Variants in TMTC2 observed in about 807,000 individuals in gnomAD.
TMTC2 encodes the protein transmembrane O-mannosyltransferase targeting cadherins 2, also known as protein O-mannosyl-transferase TMTC2.
A neutral mutation model predicts 82.4 loss-of-function variants in TMTC2; 43 were observed. The ratio of observed to expected loss-of-function variants is 0.52; its 90% confidence interval spans 0.41 to 0.67. TMTC2 has a LOEUF of 0.67. Ranked by LOEUF, TMTC2 falls within the 30% of genes least tolerant of loss-of-function variation. The pLI is 0.00. For missense variants in TMTC2, 919 were observed against 1,012.4 expected, an observed-to-expected ratio of 0.91 and a Z score of 1.25; for synonymous variants, 408 against 381.9, an observed-to-expected ratio of 1.07 and a Z score of -0.80.
chr12:82,914,123 G>A (rs1291888901), intron 3 of TMTC2, among the ~76,000 whole-genome samples: 2 of 152,158 alleles, frequency 1.3e-5, no homozygotes, highest in South Asian at 2.1e-4. Context: ...ATTCTTTTCT[G>A]TTGTTAAATC....
intron 4 of TMTC2, among the ~76,000 whole-genome samples, chr12:82,943,256 G>A (rs550937791): frequency 6.6e-5 from 10 of 152,146 alleles, no homozygotes; most frequent in Admixed American, 3.9e-4. Flanking sequence ...TTGTAACAGC[G>A]TCAATCCAAG....
chr12:83,058,883 A>G (rs1882639211), intron 10 of TMTC2, among the ~76,000 whole-genome samples: 1 of 151,810 alleles, frequency 6.6e-6, no homozygotes, highest in African/African-American at 2.4e-5. Context: ...TAAAAATGAG[A>G]TATTTCAGGA....
intron 3 of TMTC2, among the ~76,000 whole-genome samples, chr12:82,913,688 G>A (rs981628324): frequency 6.6e-6 from 1 of 151,952 alleles, no homozygotes; most frequent in Non-Finnish European, 1.5e-5. Context: ...TTAATACATG[G>A]AAGTATAACT....
intron 1 of TMTC2, among the ~76,000 whole-genome samples, chr12:82,730,982 T>G (rs963422070): frequency 6.6e-6 from 1 of 152,230 alleles, no homozygotes; most frequent in South Asian, 2.1e-4. Flanking sequence ...TCTAGTAGCT[T>G]GTGGAAAAGC....
intron 5 of TMTC2, 120 bp downstream of exon 5, chr12:82,965,229 G>A: frequency 1.4e-6 from 1 of 730,634 alleles, no homozygotes; most frequent in African/African-American, 1.8e-5. Flanking sequence ...TCGCTAATCA[G>A]ATTATGAACC....
intron 1 of TMTC2, among the ~76,000 whole-genome samples, chr12:82,779,886 G>A (rs1338248357): frequency 6.6e-6 from 1 of 152,046 alleles, no homozygotes; most frequent in Admixed American, 6.6e-5. Context: ...GCAACAGAGC[G>A]AGACTCCGTC....
At chr12:82,867,807 C>G (rs925506254) in intron 2 of TMTC2, among the ~76,000 whole-genome samples, 4 of 152,172 alleles carry the variant, frequency 2.6e-5, no homozygotes, top group Non-Finnish European at 4.4e-5. Context: ...TATGTAGTCT[C>G]TTCTTAAGCT....
intron 9 of TMTC2, among the ~76,000 whole-genome samples, chr12:83,045,949 T>C (rs931836102): frequency 3.3e-5 from 5 of 152,182 alleles, no homozygotes; most frequent in African/African-American, 1.2e-4. Flanking sequence ...ACCCCAGAAG[T>C]ATGCCAGCCT....
intron 1 of TMTC2, among the ~76,000 whole-genome samples, chr12:82,780,548 T>C (rs1877848755): frequency 6.6e-6 from 1 of 152,146 alleles, no homozygotes; most frequent in African/African-American, 2.4e-5. Flanking sequence ...AGTAATATCA[T>C]ACAAGAGAAG....
chr12:82,884,468 T>C (rs73360262), intron 2 of TMTC2, among the ~76,000 whole-genome samples: 162 of 152,328 alleles, frequency 1.1e-3, no homozygotes, highest in African/African-American at 3.8e-3. Flanking sequence ...ATTTAGAAGG[T>C]AGCAAGGCAC....
At chr12:82,923,409 A>G (rs1421556635) in intron 3 of TMTC2, among the ~76,000 whole-genome samples, 2 of 151,998 alleles carry the variant, frequency 1.3e-5, no homozygotes, top group Admixed American at 1.3e-4. Flanking sequence ...CTTTGTTTAG[A>G]TGTTTGAAAT....
chr12:82,876,047 G>GATTA (rs1872494203), intron 2 of TMTC2, among the ~76,000 whole-genome samples: 1 of 123,846 alleles, frequency 8.1e-6, no homozygotes, highest in Non-Finnish European at 1.7e-5. Flanking sequence ...TGGTGGTGGT[G>GATTA]GTGGTGGTGG....
chr12:82,785,822 T>G (rs185495514), intron 1 of TMTC2, among the ~76,000 whole-genome samples: 60 of 152,268 alleles, frequency 3.9e-4, no homozygotes, highest in Admixed American at 7.8e-4. Context: ...CCTTGTCCAT[T>G]AAAAGATTTG....
chr12:83,086,959 A>G (rs1488295163), intron 11 of TMTC2, among the ~76,000 whole-genome samples: 1 of 152,204 alleles, frequency 6.6e-6, no homozygotes, highest in Non-Finnish European at 1.5e-5. Flanking sequence ...AGTTTGCTGC[A>G]TGGATTAATT....
chr12:83,057,607 T>C (rs997526774), intron 10 of TMTC2, among the ~76,000 whole-genome samples: 3 of 151,916 alleles, frequency 2.0e-5, no homozygotes, highest in African/African-American at 7.2e-5. Flanking sequence ...AATTAAAATT[T>C]AGTACTGCTT....
chr12:82,900,796 C>A (rs1283437946), intron 3 of TMTC2, among the ~76,000 whole-genome samples: 3 of 107,732 alleles, frequency 2.8e-5, no homozygotes, highest in Admixed American at 1.0e-4. Flanking sequence ...ATATATATAC[C>A]TGGAATATAT....
At chr12:83,032,259 A>T (rs1422979488) in intron 9 of TMTC2, among the ~76,000 whole-genome samples, 5 of 6,946 alleles carry the variant, frequency 7.2e-4, no homozygotes, top group Non-Finnish European at 1.4e-3. Context: ...AGAATATTTT[A>T]TATATATATA....
At chr12:82,949,766 C>T (rs980722856) in intron 4 of TMTC2, among the ~76,000 whole-genome samples, 4 of 152,084 alleles carry the variant, frequency 2.6e-5, no homozygotes, top group Non-Finnish European at 5.9e-5. Context: ...TATTCTATTT[C>T]TTAGTGTTCC....
chr12:82,965,627 C>G lies in TMTC2; in HGVS notation c.1752C>G (p.Phe584Leu). ...GGACGGAAGAAGCCCGACGGACATT[C>G]TTAAAGTGTTCGGAGATCCCAGATG... ...QGRTEEARRT[F>L]LKCSEIPDEN... The change falls in exon 6 of 12, where the codon TTC becomes TTG. Residue 584 changes from phenylalanine (F) to leucine (L), a missense_variant. Physicochemically the swap from Phe to Leu is conservative, Grantham distance 22. Coordinates refer to ENST00000321196, the MANE Select transcript of TMTC2 (RefSeq NM_152588.3). The G allele has an allele frequency of 6.2e-7, 1 of 1,613,856 alleles. No individual in the cohort carries two copies. Among genetic ancestry groups the G allele is most frequent in the African/African-American group, 1.3e-5 (1 of 75,030 alleles).
Sources: gnomAD v4.1 joint callset for allele counts (sites outside exome capture counted in the v4.1 genomes callset) on GRCh38, gnomAD v4.1.1 for gene constraint, MANE v1.5 for transcripts, NCBI Gene and HGNC (gene_info 2026-07-23, HGNC 2026-07-21) for gene names.